Variants in SNTG2 observed in about 807,000 individuals in gnomAD.
The protein encoded by SNTG2 is gamma-2-syntrophin.
A neutral mutation model predicts 70.9 loss-of-function variants in SNTG2; 74 were observed. The ratio of observed to expected loss-of-function variants is 1.04; its 90% confidence interval spans 0.86 to 1.27. The LOEUF is 1.27. Among genes scored for constraint, SNTG2 ranks in the 50% most tolerant of loss-of-function variants. SNTG2 has a pLI of 0.00. For missense variants in SNTG2, 717 were observed against 690.7 expected (o/e 1.04, Z -0.43); for synonymous variants, 278 against 273.8 (o/e 1.02, Z -0.15).
intron 12 of SNTG2, among the ~76,000 whole-genome samples, chr2:1,250,628 TTCTC>T (rs993845179): frequency 3.3e-5 from 5 of 152,106 alleles, no homozygotes; most frequent in African/African-American, 1.2e-4. Flanking sequence ...ATCTCTGCCT[TTCTC>T]TCTGTCTCTC....
chr2:1,229,053 A>G (rs1400494745), intron 9 of SNTG2, among the ~76,000 whole-genome samples: 1 of 152,180 alleles, frequency 6.6e-6, no homozygotes, highest in East Asian at 1.9e-4. Context: ...GTTACAGCTC[A>G]TAAAAGCAGC....
At chr2:1,035,013 C>T (rs1661054477) in intron 1 of SNTG2, among the ~76,000 whole-genome samples, 1 of 152,190 alleles carries the variant, frequency 6.6e-6, no homozygotes, top group Non-Finnish European at 1.5e-5. Flanking sequence ...ACACCAATCA[C>T]TCTCTCAACC....
At chr2:1,168,865 A>G (rs1365534099) in intron 7 of SNTG2, among the ~76,000 whole-genome samples, 1 of 152,232 alleles carries the variant, frequency 6.6e-6, no homozygotes, top group Admixed American at 6.5e-5. Context: ...AAAGGCGAAT[A>G]TTCCCAGGGC....
At chr2:1,079,217 T>C (rs6548180) in intron 1 of SNTG2, among the ~76,000 whole-genome samples, 125,122 of 152,254 alleles carry the variant, frequency 0.82, 51,470 homozygotes, top group Admixed American at 0.89. Context: ...TCAGCACCTC[T>C]GTGCCCAGGC....
intron 1 of SNTG2, among the ~76,000 whole-genome samples, chr2:1,015,566 T>G (rs1410125297): frequency 6.6e-6 from 1 of 152,158 alleles, no homozygotes; most frequent in African/African-American, 2.4e-5. Flanking sequence ...GTGGAAACCT[T>G]TAAGGCCAGT....
At chr2:1,361,520 TA>T (rs1661144842) in intron 16 of SNTG2, among the ~76,000 whole-genome samples, 1 of 152,246 alleles carries the variant, frequency 6.6e-6, no homozygotes, top group South Asian at 2.1e-4. Flanking sequence ...TTAAAAAATA[TA>T]ACTTTTTAAT....
At chr2:1,274,398 T>A (rs1679185881) in intron 14 of SNTG2, among the ~76,000 whole-genome samples, 1 of 152,202 alleles carries the variant, frequency 6.6e-6, no homozygotes, top group African/African-American at 2.4e-5. Flanking sequence ...GTGGAATTCA[T>A]CAACAGAAAG....
intron 9 of SNTG2, among the ~76,000 whole-genome samples, chr2:1,232,108 C>A (rs1656934345): frequency 1.3e-5 from 2 of 152,152 alleles, no homozygotes; most frequent in South Asian, 4.1e-4. Context: ...TCTCCTGCTT[C>A]TGCAGCACTG....
chr2:1,319,689 C>G (rs2148268907), intron 16 of SNTG2, among the ~76,000 whole-genome samples: 1 of 152,364 alleles, frequency 6.6e-6, no homozygotes, highest in East Asian at 1.9e-4. Context: ...CAGCATTTCC[C>G]ACCTTATCCC....
chr2:1,052,710 C>A (rs541579933), intron 1 of SNTG2, among the ~76,000 whole-genome samples: 10 of 152,170 alleles, frequency 6.6e-5, no homozygotes, highest in Non-Finnish European at 1.3e-4. Context: ...ATTCTGCCAT[C>A]CTTTCGTGGA....
intron 12 of SNTG2, 94 bp from the exon 13 acceptor site, chr2:1,259,276 T>C: frequency 2.9e-6 from 3 of 1,019,048 alleles, no homozygotes; most frequent in Non-Finnish European, 4.6e-6. Context: ...TTAATTGAGG[T>C]GGACACACAT....
intron 8 of SNTG2, among the ~76,000 whole-genome samples, chr2:1,176,023 G>T (rs972975639): frequency 6.6e-6 from 1 of 152,220 alleles, no homozygotes; most frequent in African/African-American, 2.4e-5. Flanking sequence ...AGGAGTAATT[G>T]TGGAATTATG....
chr2:1,238,799 T>C (rs1676854987), intron 10 of SNTG2, among the ~76,000 whole-genome samples: 1 of 152,198 alleles, frequency 6.6e-6, no homozygotes, highest in Admixed American at 6.5e-5. Context: ...GCCTGGAGGC[T>C]GCAGAGGCTG....
chr2:1,021,484 G>T (rs1660171126), intron 1 of SNTG2, among the ~76,000 whole-genome samples: 1 of 152,038 alleles, frequency 6.6e-6, no homozygotes. Context: ...AGCTTGCAGG[G>T]ACATTTTCTG....
chr2:1,118,720 G>A (rs1041632935), intron 4 of SNTG2, among the ~76,000 whole-genome samples: 3 of 152,056 alleles, frequency 2.0e-5, no homozygotes, highest in Admixed American at 6.5e-5. Flanking sequence ...ATTTGGGGAG[G>A]TGAATAGAAA....
intron 1 of SNTG2, among the ~76,000 whole-genome samples, chr2:980,918 C>A (rs113181865): frequency 5.9e-5 from 9 of 152,196 alleles, no homozygotes; most frequent in Non-Finnish European, 1.3e-4. Context: ...ACTTCTTAAT[C>A]ATCATGACAG....
intron 16 of SNTG2, among the ~76,000 whole-genome samples, chr2:1,326,293 T>G (rs1476911791): frequency 6.6e-6 from 1 of 152,208 alleles, no homozygotes; most frequent in Non-Finnish European, 1.5e-5. Context: ...TTTCTTGGAC[T>G]TGCAGGAGCC....
At position 1,247,398 on chromosome 2, in the gene SNTG2, C is replaced by T. The variant is rs754513901; in HGVS notation, c.960C>T (p.Phe320=). Residue 320 remains phenylalanine (F), a synonymous_variant, in exon 12 of 17, where the codon TTC becomes TTT. Coordinates refer to ENST00000308624, the MANE Select transcript of SNTG2 (RefSeq NM_018968.4). ...CCTCTCAAACCTTCAGACCCAAGTT[C>T]CTAGCACTGAAGGGCCCGTCCTTCT... is the stretch of plus-strand genomic sequence containing the variant. ...ADSSQTFRPK[F]LALKGPSFYV... The T allele has an allele frequency of 1.1e-5, 18 of 1,613,990 alleles. No homozygotes were observed. In the South Asian group the frequency reaches 1.6e-4, roughly 15 times the overall value.
At chr2:1,166,574 T>C (rs930197495) in intron 7 of SNTG2, among the ~76,000 whole-genome samples, 1 of 152,158 alleles carries the variant, frequency 6.6e-6, no homozygotes, top group Admixed American at 6.5e-5. Flanking sequence ...GTTCTGATCA[T>C]GCATTGGGTT....
Sources: gnomAD v4.1 joint callset for allele counts (sites outside exome capture counted in the v4.1 genomes callset) on GRCh38, gnomAD v4.1.1 for gene constraint, MANE v1.5 for transcripts, NCBI Gene and HGNC (gene_info 2026-07-23, HGNC 2026-07-21) for gene names.